Variants in ZCCHC7 observed in about 807,000 individuals in gnomAD.
ZCCHC7 encodes the protein zinc finger CCHC domain-containing protein 7.
In ZCCHC7, 35 loss-of-function variants were observed where a neutral mutation model predicts 52.0. The ratio of observed to expected loss-of-function variants is 0.67; its 90% CI spans 0.51 to 0.89. ZCCHC7 has a LOEUF of 0.89. ZCCHC7 is among the 40% of genes least tolerant of loss of function. The probability of loss-of-function intolerance (pLI) is 0.00; values close to 1 mark genes in which losing one functional copy is unlikely to be tolerated. For synonymous variants in ZCCHC7, 217 were observed against 221.5 expected, an observed-to-expected ratio of 0.98 and a Z score of 0.18; for missense variants, 574 against 649.1, an observed-to-expected ratio of 0.88 and a Z score of 1.26.
intron 2 of ZCCHC7, among the ~76,000 whole-genome samples, chr9:37,151,203 T>C (rs1820506942): frequency 6.6e-6 from 1 of 152,062 alleles, no homozygotes; most frequent in Admixed American, 6.5e-5. Flanking sequence ...CCTGACCTCG[T>C]GATCCACCCG....
chr9:37,217,590 GA>G (rs568328057), intron 2 of ZCCHC7, among the ~76,000 whole-genome samples: 2 of 151,788 alleles, frequency 1.3e-5, no homozygotes, highest in Admixed American at 1.3e-4. Context: ...TCCTTCAGCT[GA>G]AAAAAAATCC....
At chr9:37,263,848 C>T (rs888196404) in intron 2 of ZCCHC7, among the ~76,000 whole-genome samples, 2 of 152,126 alleles carry the variant, frequency 1.3e-5, no homozygotes, top group African/African-American at 2.4e-5. Flanking sequence ...TTTAAAATTA[C>T]TTATGAAGCA....
intron 2 of ZCCHC7, among the ~76,000 whole-genome samples, chr9:37,219,563 A>T (rs1030770942): frequency 3.3e-5 from 5 of 152,148 alleles, no homozygotes; most frequent in African/African-American, 1.2e-4. Flanking sequence ...TAGCCTCTGT[A>T]TTTCCTGGCA....
At chr9:37,133,538 G>T (rs986796850) in intron 2 of ZCCHC7, among the ~76,000 whole-genome samples, 2 of 151,520 alleles carry the variant, frequency 1.3e-5, no homozygotes, top group Non-Finnish European at 2.9e-5. Flanking sequence ...ACCATGCTTG[G>T]CTAATTTTTG....
At position 37,230,197 on chromosome 9, in the gene ZCCHC7, G is replaced by A. The variant is rs923195613; in HGVS notation, c.611-71991G>A. 5.0e-4 allele frequency among the ~76,000 whole-genome samples: 76 copies of A among 152,122 alleles called. 1 individual carries two copies. The highest frequency in any genetic ancestry group is 4.4e-5 in the Non-Finnish European group (3 of 68,032). Reference sequence around the variant, plus strand: ...GTACACATTAAAATAACAATAAAAAGTATAGTAAATAAATAAACCAGAAAC... The same window carrying A: ...GTACACATTAAAATAACAATAAAAAATATAGTAAATAAATAAACCAGAAAC... On this transcript the variant is annotated intron_variant, in intron 2 of 8. Coordinates refer to ENST00000336755, the MANE Select transcript of ZCCHC7 (RefSeq NM_032226.3).
intron 2 of ZCCHC7, among the ~76,000 whole-genome samples, chr9:37,287,384 G>A (rs959134093): frequency 6.6e-6 from 1 of 152,058 alleles, no homozygotes; most frequent in Non-Finnish European, 1.5e-5. Context: ...ACATAAAGTT[G>A]TATGTAATAA....
At chr9:37,278,032 G>GTGTGTTTTGT in intron 2 of ZCCHC7, among the ~76,000 whole-genome samples, 1 of 66,358 alleles carries the variant, frequency 1.5e-5, no homozygotes, top group East Asian at 3.2e-4. Context: ...GTGTGTGTGT[G>GTGTGTTTTGT]TGTGTTTTGT....
At chr9:37,312,187 G>T (rs1829631408) in intron 5 of ZCCHC7, among the ~76,000 whole-genome samples, 1 of 152,168 alleles carries the variant, frequency 6.6e-6, no homozygotes, top group Admixed American at 6.5e-5. Flanking sequence ...GCCAAGATTT[G>T]AATTTAAAGA....
chr9:37,240,360 A>C (rs1168230935), intron 2 of ZCCHC7, among the ~76,000 whole-genome samples: 2 of 151,904 alleles, frequency 1.3e-5, no homozygotes, highest in Non-Finnish European at 2.9e-5. Context: ...TGTGCCATTA[A>C]GTATTGTTAG....
intron 2 of ZCCHC7, among the ~76,000 whole-genome samples, chr9:37,164,826 A>G (rs886739960): frequency 2.0e-5 from 3 of 152,142 alleles, no homozygotes; most frequent in African/African-American, 4.8e-5. Context: ...TTGGCCTTCC[A>G]AAGTGTTGAC....
intron 2 of ZCCHC7, among the ~76,000 whole-genome samples, chr9:37,222,699 T>G (rs997864864): frequency 6.6e-6 from 1 of 152,078 alleles, no homozygotes; most frequent in East Asian, 1.9e-4. Context: ...ATGAACACCT[T>G]TTGAATGTGA....
intron 2 of ZCCHC7, among the ~76,000 whole-genome samples, chr9:37,239,248 A>T (rs939362336): frequency 6.6e-6 from 1 of 152,192 alleles, no homozygotes; most frequent in Admixed American, 6.5e-5. Context: ...TTTATTTAAA[A>T]GAACATTATC....
At chr9:37,306,824 G>T (rs1829348870) in intron 5 of ZCCHC7, among the ~76,000 whole-genome samples, 2 of 109,370 alleles carry the variant, frequency 1.8e-5, no homozygotes, top group South Asian at 6.8e-4. Context: ...GTCTCGCTCT[G>T]TCACGGTGGC....
intron 2 of ZCCHC7, among the ~76,000 whole-genome samples, chr9:37,185,092 A>T (rs570689564): frequency 1.3e-5 from 2 of 151,974 alleles, no homozygotes; most frequent in Non-Finnish European, 2.9e-5. Context: ...GAAACTAAAC[A>T]TATTATTTTA....
chr9:37,123,116 A>T (rs1226229562), intron 1 of ZCCHC7, among the ~76,000 whole-genome samples: 5 of 151,674 alleles, frequency 3.3e-5, no homozygotes, highest in Non-Finnish European at 5.9e-5. Context: ...AGATAATCTG[A>T]TTTTGTTACC....
intron 2 of ZCCHC7, among the ~76,000 whole-genome samples, chr9:37,187,728 T>C (rs1211472855): frequency 6.6e-6 from 1 of 152,184 alleles, no homozygotes; most frequent in Non-Finnish European, 1.5e-5. Context: ...AAGATGCAAA[T>C]GGCAGTTTTA....
At chr9:37,294,002 C>CTTTTTGAGATGGA in intron 2 of ZCCHC7, among the ~76,000 whole-genome samples, 1 of 152,052 alleles carries the variant, frequency 6.6e-6, no homozygotes. Flanking sequence ...ATAAGATGAA[C>CTTTTTGAGATGGA]ATTTTGATGC....
At chr9:37,198,312 T>A (rs570098795) in intron 2 of ZCCHC7, among the ~76,000 whole-genome samples, 1 of 152,340 alleles carries the variant, frequency 6.6e-6, no homozygotes, top group East Asian at 1.9e-4. Flanking sequence ...TCCCAGAATG[T>A]TACAACCAGA....
intron 2 of ZCCHC7, among the ~76,000 whole-genome samples, chr9:37,266,214 T>C (rs1827100676): frequency 1.3e-5 from 2 of 152,230 alleles, no homozygotes; most frequent in Admixed American, 6.5e-5. Flanking sequence ...AAATGCTTAA[T>C]ATGTAAAGTT....
Sources: gnomAD v4.1 joint callset for allele counts (sites outside exome capture counted in the v4.1 genomes callset) on GRCh38, gnomAD v4.1.1 for gene constraint, MANE v1.5 for transcripts, NCBI Gene and HGNC (gene_info 2026-07-23, HGNC 2026-07-21) for gene names.